Variants in ARHGEF37 observed in about 807,000 individuals in gnomAD.
ARHGEF37 encodes the protein Rho guanine nucleotide exchange factor 37, also known as Rho guanine nucleotide exchange factor (GEF) 37.
A neutral mutation model predicts 71.1 loss-of-function variants in ARHGEF37; 55 were observed. That is an observed-to-expected ratio of 0.77 (90% CI 0.62 to 0.97). The LOEUF is 0.97. ARHGEF37 is among the 50% of genes least tolerant of loss of function. ARHGEF37 has a pLI of 0.00. For synonymous variants in ARHGEF37, 327 were observed against 350.6 expected (o/e 0.93, Z 0.75); for missense variants, 765 against 836.8 (o/e 0.91, Z 1.06).
intron 1 of ARHGEF37, among the ~76,000 whole-genome samples, chr5:149,587,218 T>C (rs1161462876): frequency 6.6e-6 from 1 of 152,212 alleles, no homozygotes; most frequent in Non-Finnish European, 1.5e-5. Flanking sequence ...GTATTAGTCT[T>C]ATTCTCAGTA....
chr5:149,600,718 G>A (rs1200514301), intron 2 of ARHGEF37, among the ~76,000 whole-genome samples: 1 of 150,664 alleles, frequency 6.6e-6, no homozygotes, highest in South Asian at 2.1e-4. Context: ...TCGGCTCACT[G>A]CAACCTCCAC....
rs1344032416 is a variant in ARHGEF37 at position 149,618,844 on chromosome 5, T to C, written c.790-94T>C. On this transcript the variant is annotated intron_variant, in intron 6 of 12. Coordinates refer to ENST00000333677, the MANE Select transcript of ARHGEF37 (RefSeq NM_001001669.3). ...GAACCAGCTCTGGTGGGCGAGTCTG[T>C]GGAAAGGTTGTCCCAGTGAGGACCT... 6.9e-6 allele frequency: 7 copies of C among 1,014,720 alleles called. No homozygotes were observed. The Admixed American group carries it at 7.1e-5, about 10-fold the overall frequency. The allele number at this position is 1,014,720 out of a possible 1,614,324, so 62.9% of individuals were successfully genotyped here.
intron 3 of ARHGEF37, among the ~76,000 whole-genome samples, chr5:149,607,755 C>CTTTT (rs67079479): frequency 1.4e-3 from 120 of 83,096 alleles, no homozygotes; most frequent in African/African-American, 1.8e-3. Flanking sequence ...AAAGAAACTT[C>CTTTT]TTTTTTTTTT....
chr5:149,555,028 G>A (rs1004974195), intron 1 of ARHGEF37, among the ~76,000 whole-genome samples: 4 of 151,852 alleles, frequency 2.6e-5, no homozygotes, highest in African/African-American at 4.8e-5. Context: ...CTACTCAGGA[G>A]GCTGAGGCAG....
In ARHGEF37 at chr5:149,632,242, C is replaced by A; in HGVS notation, c.*51C>A. 6.3e-7 allele frequency: 1 copy of A among 1,585,412 alleles called. No individual in the cohort carries two copies. The highest frequency in any genetic ancestry group is 1.1e-5 in the South Asian group (1 of 89,688). ...CCAAATGATGGGGGAGGCTTAGAGG[C>A]TCTGACCCTGGGGGGAAAAGAAGCA... On this transcript the variant is annotated 3_prime_UTR_variant, in exon 13 of 13. Coordinates refer to ENST00000333677, the MANE Select transcript of ARHGEF37 (RefSeq NM_001001669.3).
At chr5:149,573,793 CCTG>C (rs1762997571) in intron 1 of ARHGEF37, among the ~76,000 whole-genome samples, 1 of 152,000 alleles carries the variant, frequency 6.6e-6, no homozygotes, top group Non-Finnish European at 1.5e-5. Flanking sequence ...TGGCCTATAA[CCTG>C]CTTTTTAAAA....
At chr5:149,571,588 A>G (rs1762966177) in intron 1 of ARHGEF37, among the ~76,000 whole-genome samples, 1 of 152,182 alleles carries the variant, frequency 6.6e-6, no homozygotes, top group Admixed American at 6.5e-5. Flanking sequence ...ATTAAATTCA[A>G]TCCTAATCAA....
At position 149,601,112 on chromosome 5, in the gene ARHGEF37, C is replaced by T. The variant is rs200052393; in HGVS notation, c.191C>T (p.Pro64Leu). Residue 64 changes from proline to leucine, a missense_variant, in exon 3 of 13, where the codon CCG becomes CTG. Coordinates refer to ENST00000333677, the MANE Select transcript of ARHGEF37 (RefSeq NM_001001669.3). Reference protein sequence around the residue: ...SDIRSRLQQLPQGDLDVLFSN... With the variant: ...SDIRSRLQQLLQGDLDVLFSN... ...TGGCTTCTTTGTTCCTTCCAGTTGCCGCAGGGAGATCTGGATGTCCTGTTC... is the reference window on the plus strand; with the variant it reads ...TGGCTTCTTTGTTCCTTCCAGTTGCTGCAGGGAGATCTGGATGTCCTGTTC... 34 of 1,610,396 alleles carry T rather than the reference C, an allele frequency of 2.1e-5. No individual in the cohort carries two copies. The highest frequency in any genetic ancestry group is 2.0e-4 in the Admixed American group (12 of 59,930).
At chr5:149,577,519 T>C (rs1763040566), upstream of ARHGEF37, among the ~76,000 whole-genome samples, 1 of 152,232 alleles carries the variant, frequency 6.6e-6, no homozygotes, top group Admixed American at 6.5e-5. Context: ...CAAGTGATTC[T>C]AATGATTAAA....
At chr5:149,631,902 C>A in intron 12 of ARHGEF37, 80 bp from the exon 13 acceptor site, 1 of 1,453,282 alleles carries the variant, frequency 6.9e-7, no homozygotes, top group Non-Finnish European at 9.5e-7. Flanking sequence ...TGGATGGGAA[C>A]AGGATAAACA....
chr5:149,593,999 A>AT (rs1254381247), intron 1 of ARHGEF37, among the ~76,000 whole-genome samples: 6 of 152,186 alleles, frequency 3.9e-5, no homozygotes, highest in Non-Finnish European at 7.4e-5. Flanking sequence ...TTTTCATGCT[A>AT]TTTTAAATGG....
intron 5 of ARHGEF37, among the ~76,000 whole-genome samples, chr5:149,617,876 C>T (rs1437192756): frequency 6.6e-6 from 1 of 152,182 alleles, no homozygotes; most frequent in Non-Finnish European, 1.5e-5. Flanking sequence ...CATTCAGACC[C>T]TCTGTCTTAG....
chr5:149,618,477 A>T (rs929806667), intron 6 of ARHGEF37, among the ~76,000 whole-genome samples, 171 bp downstream of exon 6: 1 of 152,204 alleles, frequency 6.6e-6, no homozygotes, highest in East Asian at 1.9e-4. Flanking sequence ...CTGAAGAGCC[A>T]GTGGAGGGGT....
At chr5:149,619,955 C>T (rs113550991) in intron 7 of ARHGEF37, among the ~76,000 whole-genome samples, 5 of 152,026 alleles carry the variant, frequency 3.3e-5, no homozygotes, top group East Asian at 1.9e-4. Context: ...CGCCTGTAGT[C>T]CCAGCTACTC....
At chr5:149,579,343 G>A (rs1231596227), upstream of ARHGEF37, among the ~76,000 whole-genome samples, 2 of 152,150 alleles carry the variant, frequency 1.3e-5, no homozygotes, top group Admixed American at 1.3e-4. Flanking sequence ...TTTGGGGTCA[G>A]CTCTTCACTT....
At chr5:149,552,942 AAG>A (rs1341955913) in intron 1 of ARHGEF37, among the ~76,000 whole-genome samples, 1 of 152,174 alleles carries the variant, frequency 6.6e-6, no homozygotes, top group South Asian at 2.1e-4. Context: ...AAGACAACTG[AAG>A]AGAGAGGGGA....
intron 1 of ARHGEF37, among the ~76,000 whole-genome samples, chr5:149,563,488 A>AT (rs1253258786): frequency 1.3e-5 from 2 of 152,100 alleles, no homozygotes; most frequent in East Asian, 1.9e-4. Context: ...CTTAGCCTGT[A>AT]TTTTTTTGTG....
Position 149,591,513 on chromosome 5 carries a change from A to G in ARHGEF37, c.-11-6246A>G, listed in dbSNP as rs956546682. On this transcript the variant is annotated intron_variant, in intron 1 of 12. Transcript: ENST00000333677. The stretch of plus-strand genomic sequence containing the variant: ...ATCCTCCCTCCTCAGCTTCCTGAGT[A>G]GCTGGGATGATAGGTGTGAGACCAT... Among the ~76,000 whole-genome samples the G allele has an allele frequency of 5.3e-5, 8 of 152,302 alleles. No individual in the cohort carries two copies. In the South Asian group the frequency reaches 1.0e-3, roughly 20 times the overall value.
At chr5:149,575,301 C>T (rs201784623) in intron 1 of ARHGEF37, among the ~76,000 whole-genome samples, 2 of 152,212 alleles carry the variant, frequency 1.3e-5, no homozygotes, top group East Asian at 3.8e-4. Context: ...GTCACCTTAT[C>T]TTTGGCTCCC....
Sources: gnomAD v4.1 joint callset for allele counts (sites outside exome capture counted in the v4.1 genomes callset) on GRCh38, gnomAD v4.1.1 for gene constraint, MANE v1.5 for transcripts, NCBI Gene and HGNC (gene_info 2026-07-23, HGNC 2026-07-21) for gene names.